FHL5: variants seen among roughly 807,000 people sequenced by gnomAD.
The protein encoded by FHL5 is four and a half LIM domains 5.
Under a neutral mutation model 32.0 loss-of-function variants are expected in FHL5, and 33 were observed. That is an observed-to-expected ratio of 1.03 (90% CI 0.78 to 1.38). The LOEUF is 1.38. Among genes scored for constraint, FHL5 ranks in the 40% most tolerant of loss-of-function variants. The probability of loss-of-function intolerance (pLI) is 0.00; values close to 1 mark genes in which losing one functional copy is unlikely to be tolerated. For synonymous variants in FHL5, 114 were observed against 113.6 expected, an observed-to-expected ratio of 1.00 and a Z score of -0.02; for missense variants, 336 against 343.9, an observed-to-expected ratio of 0.98 and a Z score of 0.18.
At chr6:96,591,898 C>T (rs1171699808) in intron 1 of FHL5, among the ~76,000 whole-genome samples, 4 of 151,984 alleles carry the variant, frequency 2.6e-5, no homozygotes, top group Non-Finnish European at 5.9e-5. Context: ...AGCTGTAAAA[C>T]CAGCAAGTTT....
At chr6:96,609,347 C>G (rs1017542134) in intron 4 of FHL5, among the ~76,000 whole-genome samples, 1 of 152,130 alleles carries the variant, frequency 6.6e-6, no homozygotes, top group African/African-American at 2.4e-5. Context: ...AAAACACTTA[C>G]AAAAACACAT....
intron 1 of FHL5, among the ~76,000 whole-genome samples, chr6:96,590,607 G>T (rs1770895659): frequency 6.6e-6 from 1 of 151,874 alleles, no homozygotes; most frequent in African/African-American, 2.4e-5. Flanking sequence ...TCACCTTACT[G>T]CAAAATCTAT....
chr6:96,588,023 G>T (rs1422262631), intron 1 of FHL5, among the ~76,000 whole-genome samples: 2 of 152,174 alleles, frequency 1.3e-5, no homozygotes, highest in African/African-American at 2.4e-5. Flanking sequence ...AAACTCCGTG[G>T]CTGTGAGCAT....
At chr6:96,576,267 A>C (rs1770582404) in intron 1 of FHL5, among the ~76,000 whole-genome samples, 2 of 152,238 alleles carry the variant, frequency 1.3e-5, no homozygotes, top group African/African-American at 4.8e-5. Context: ...TTCCATCTGC[A>C]AATATTTACT....
Position 96,615,903 on chromosome 6 carries a change from C to A in FHL5, c.*131C>A. 1.4e-6 allele frequency: 1 copy of A among 695,964 alleles called. No homozygotes were observed. Among genetic ancestry groups the A allele is most frequent in the Non-Finnish European group, 2.3e-6 (1 of 443,292 alleles). The allele number at this position is 695,964 out of a possible 1,614,324, so 43.1% of individuals were successfully genotyped here. On this transcript the variant is annotated 3_prime_UTR_variant, in exon 6 of 6. Coordinates refer to ENST00000450218, the MANE Select transcript of FHL5 (RefSeq NM_001322466.2). ...AGTTTAGAGTGGAAAAGTTTTTGCA[C>A]ACATTTTGATCGAACTATATTCTAA...
intron 1 of FHL5, among the ~76,000 whole-genome samples, chr6:96,601,728 G>A (rs944194414): frequency 1.3e-5 from 2 of 152,206 alleles, no homozygotes; most frequent in African/African-American, 4.8e-5. Context: ...TCCATATTAA[G>A]TGAAGAGAGT....
intron 3 of FHL5, among the ~76,000 whole-genome samples, chr6:96,605,318 T>A (rs911669512): frequency 6.6e-6 from 1 of 152,238 alleles, no homozygotes; most frequent in Non-Finnish European, 1.5e-5. Flanking sequence ...CAAACTGTTT[T>A]GAGGATCGGT....
intron 1 of FHL5, among the ~76,000 whole-genome samples, chr6:96,603,149 T>A (rs1283462306): frequency 6.6e-6 from 1 of 152,180 alleles, no homozygotes; most frequent in African/African-American, 2.4e-5. Flanking sequence ...TACTGATTAT[T>A]AATTTATATT....
chr6:96,570,678 T>C (rs561463943), intron 1 of FHL5, among the ~76,000 whole-genome samples: 2 of 152,178 alleles, frequency 1.3e-5, no homozygotes, highest in Non-Finnish European at 2.9e-5. Flanking sequence ...TCTTCACTCA[T>C]TTTCATTCTT....
At position 96,610,566 on chromosome 6, in the gene FHL5, T is replaced by C. The variant is rs1309336703; in HGVS notation, c.505-6T>C. 1 of 1,611,642 alleles carries C rather than the reference T, an allele frequency of 6.2e-7. No individual in the cohort carries two copies. Among genetic ancestry groups the C allele is most frequent in the Non-Finnish European group, 8.5e-7 (1 of 1,178,128 alleles). ...TGGTCATTGCCTTTTCTGTGGTCTT[T>C]GGCAGGTGATAACTTCAGGTGGGAT... On this transcript the variant is annotated splice_region_variant and splice_polypyrimidine_tract_variant and intron_variant, in intron 4 of 5. Transcript: ENST00000450218.
At chr6:96,562,764 G>C (rs919012784), upstream of FHL5, 1 of 152,126 alleles carries the variant, frequency 6.6e-6, no homozygotes, top group Admixed American at 6.6e-5. Flanking sequence ...GCCTCAAAAG[G>C]AGATTCTAAG....
intron 1 of FHL5, among the ~76,000 whole-genome samples, chr6:96,583,859 A>G (rs1770743841): frequency 6.6e-6 from 1 of 152,154 alleles, no homozygotes; most frequent in East Asian, 1.9e-4. Context: ...ACAGATATGA[A>G]TTAATTCACC....
chr6:96,590,646 G>C (rs1770896389), intron 1 of FHL5, among the ~76,000 whole-genome samples: 1 of 151,874 alleles, frequency 6.6e-6, no homozygotes, highest in Admixed American at 6.5e-5. Flanking sequence ...GAATAGAAGT[G>C]GTGATTGTGG....
chr6:96,614,524 A>C (rs1771476847), intron 5 of FHL5, among the ~76,000 whole-genome samples: 1 of 152,216 alleles, frequency 6.6e-6, no homozygotes, highest in South Asian at 2.1e-4. Flanking sequence ...CTATTTAAGA[A>C]GAATGTATCT....
chr6:96,563,950 A>G (rs925730969), intron 1 of FHL5, among the ~76,000 whole-genome samples: 3 of 152,198 alleles, frequency 2.0e-5, no homozygotes, highest in African/African-American at 7.2e-5. Flanking sequence ...AGAAATATAT[A>G]ATAGACTATA....
rs909382830 is a variant in FHL5, at chr6:96,563,371, C to A, written c.-13+16C>A. ...TTAAGACAAAGTGAGTTCTTTCCCCCAAATATTTCCTTTGTTTTGTTTTGT... is the reference window on the plus strand; with the variant it reads ...TTAAGACAAAGTGAGTTCTTTCCCCAAAATATTTCCTTTGTTTTGTTTTGT... On this transcript the variant is annotated intron_variant, in intron 1 of 5. Transcript: ENST00000450218. 1 of 152,046 alleles carries A rather than the reference C, an allele frequency of 6.6e-6. No individual in the cohort carries two copies. The highest frequency in any genetic ancestry group is 2.4e-5 in the African/African-American group (1 of 41,404). 9.4% of individuals were successfully genotyped at this position (152,046 alleles called of 1,614,324 possible).
chr6:96,600,141 C>T (rs1771119181), intron 1 of FHL5, among the ~76,000 whole-genome samples: 1 of 152,122 alleles, frequency 6.6e-6, no homozygotes, highest in Admixed American at 6.5e-5. Flanking sequence ...AAAAAGTGGT[C>T]AGATTGGAAA....
Position 96,616,521 on chromosome 6 carries a change from T to C in FHL5, c.*749T>C, listed in dbSNP as rs1338605047. 1 of 152,214 alleles carries C rather than the reference T, an allele frequency of 6.6e-6. No homozygotes were observed. Among genetic ancestry groups the C allele is most frequent in the Non-Finnish European group, 1.5e-5 (1 of 68,024 alleles). The allele number at this position is 152,214 out of a possible 1,614,324, so 9.4% of individuals were successfully genotyped here. On this transcript the variant is annotated 3_prime_UTR_variant, in exon 6 of 6. Coordinates refer to ENST00000450218, the MANE Select transcript of FHL5 (RefSeq NM_001322466.2). ...ATATATTTTCAAAGTCCACAGTGAT[T>C]TTTCTAAACGCTTACAGATTCCATG...
intron 1 of FHL5, among the ~76,000 whole-genome samples, chr6:96,572,616 C>T (rs999250358): frequency 3.9e-5 from 6 of 152,172 alleles, no homozygotes; most frequent in African/African-American, 1.4e-4. Flanking sequence ...TGGGCCACAG[C>T]AGGTGGGGCA....
Sources: allele counts gnomAD v4.1 joint callset (sites outside exome capture counted in the v4.1 genomes callset), GRCh38; gene constraint gnomAD v4.1.1; transcripts MANE v1.5; gene names NCBI Gene and HGNC (gene_info 2026-07-23, HGNC 2026-07-21).